Variants in THSD4 observed in about 807,000 individuals in gnomAD.
THSD4 encodes thrombospondin type 1 domain containing 4, also known as thrombospondin type-1 domain-containing protein 4.
In THSD4, 69 loss-of-function variants were observed where a neutral mutation model predicts 119.0. That is an observed-to-expected ratio of 0.58 (90% CI 0.48 to 0.71). The LOEUF (loss-of-function observed/expected upper bound fraction) is 0.71, where lower values mean the gene tolerates loss of function less well. Ranked by LOEUF, THSD4 falls within the 30% of genes least tolerant of loss-of-function variation. The probability of loss-of-function intolerance (pLI) is 0.00; values close to 1 mark genes in which losing one functional copy is unlikely to be tolerated. For synonymous variants in THSD4, 524 were observed against 540.4 expected, an observed-to-expected ratio of 0.97 and a Z score of 0.42; for missense variants, 1,393 against 1,391.1, an observed-to-expected ratio of 1.00 and a Z score of -0.02.
intron 5 of THSD4, among the ~76,000 whole-genome samples, chr15:71,256,054 C>T (rs1468246258): frequency 2.6e-5 from 4 of 152,176 alleles, no homozygotes; most frequent in Admixed American, 2.6e-4. Flanking sequence ...TTAAAAGTTT[C>T]TTGCCCCTAT....
intron 5 of THSD4, 137 bp downstream of exon 5, chr15:71,243,233 T>C: frequency 2.3e-6 from 2 of 886,868 alleles, no homozygotes; most frequent in Non-Finnish European, 3.4e-6. Flanking sequence ...TCCTCCTTTC[T>C]CTTTGCTTTC....
chr15:71,782,316 C>G lies in THSD4; in HGVS notation c.*4942C>G, dbSNP rs2054011610. On this transcript the variant is annotated 3_prime_UTR_variant, in exon 18 of 18. Coordinates refer to ENST00000261862, the MANE Select transcript of THSD4 (RefSeq NM_024817.3). ...AGGGTGAAAACTTCCAGCCAACTTT[C>G]TCAGTCCTTTCTCTTGCGAGAGGGA... 6.6e-6 allele frequency: 1 copy of G among 152,130 alleles called. No homozygotes were observed. Among genetic ancestry groups the G allele is most frequent in the Non-Finnish European group, 1.5e-5 (1 of 68,036 alleles). 9.4% of individuals were successfully genotyped at this position (152,130 alleles called of 1,614,324 possible).
At chr15:71,354,705 T>G (rs1239600780) in intron 6 of THSD4, among the ~76,000 whole-genome samples, 2 of 152,212 alleles carry the variant, frequency 1.3e-5, no homozygotes, top group African/African-American at 4.8e-5. Context: ...TAGTTAGGCC[T>G]TCTATGTGGT....
In THSD4 at chr15:71,700,598, G is replaced by C. The variant is rs543648074; in HGVS notation, c.1358-27951G>C. Among the ~76,000 whole-genome samples, 8 of 152,124 alleles carry C rather than the reference G, an allele frequency of 5.3e-5. No individual in the cohort carries two copies. The South Asian group carries it at 1.7e-3, about 32-fold the overall frequency. ...TTAAAATTCATCTAGAAGAGCAAAT[G>C]TTCAAGAGTAGCCAAAAGCTTTTGA... On this transcript the variant is annotated intron_variant, in intron 8 of 17. Coordinates refer to ENST00000261862, the MANE Select transcript of THSD4 (RefSeq NM_024817.3).
At chr15:71,693,967 C>T (rs1484040789) in intron 8 of THSD4, among the ~76,000 whole-genome samples, 1 of 151,322 alleles carries the variant, frequency 6.6e-6, no homozygotes, top group Non-Finnish European at 1.5e-5. Context: ...AGAACAGAAT[C>T]ATATACCACT....
At chr15:71,746,529 G>A (rs2053340971) in intron 12 of THSD4, among the ~76,000 whole-genome samples, 1 of 152,026 alleles carries the variant, frequency 6.6e-6, no homozygotes, top group Non-Finnish European at 1.5e-5. Flanking sequence ...CGAGTAGCTG[G>A]GACTACAGGC....
chr15:71,152,466 A>T (rs748665977), intron 2 of THSD4, among the ~76,000 whole-genome samples: 1 of 151,970 alleles, frequency 6.6e-6, no homozygotes, highest in Non-Finnish European at 1.5e-5. Flanking sequence ...GTCTAGTCAG[A>T]TGTAAACATT....
intron 6 of THSD4, among the ~76,000 whole-genome samples, chr15:71,323,569 A>G (rs534622379): frequency 6.6e-6 from 1 of 152,308 alleles, no homozygotes; most frequent in South Asian, 2.1e-4. Flanking sequence ...TTGAGCTTAA[A>G]GCTGTGGGTG....
chr15:71,704,191 T>TC (rs2030089361), intron 8 of THSD4, among the ~76,000 whole-genome samples: 1 of 152,172 alleles, frequency 6.6e-6, no homozygotes, highest in South Asian at 2.1e-4. Flanking sequence ...AAGTGATTTC[T>TC]CCCCAAGAAA....
At chr15:71,213,840 A>G (rs1043364779) in intron 3 of THSD4, among the ~76,000 whole-genome samples, 24 of 152,364 alleles carry the variant, frequency 1.6e-4, no homozygotes, top group Non-Finnish European at 1.0e-4. Flanking sequence ...TGCTATGCAC[A>G]TGGATGGCCT....
At chr15:71,737,315 G>A (rs2053133318) in intron 10 of THSD4, among the ~76,000 whole-genome samples, 1 of 152,210 alleles carries the variant, frequency 6.6e-6, no homozygotes, top group Non-Finnish European at 1.5e-5. Flanking sequence ...ATAGTGACTG[G>A]AAGTGTGTTT....
chr15:71,138,512 C>T (rs1261557867), intron 1 of THSD4, among the ~76,000 whole-genome samples: 3 of 152,166 alleles, frequency 2.0e-5, no homozygotes, highest in African/African-American at 7.2e-5. Context: ...TTTCTCTTGT[C>T]ACCTCAACCA....
At chr15:71,490,851 C>G (rs2047907811) in intron 7 of THSD4, among the ~76,000 whole-genome samples, 1 of 152,182 alleles carries the variant, frequency 6.6e-6, no homozygotes, top group Non-Finnish European at 1.5e-5. Flanking sequence ...ATAACCGTGC[C>G]CATTTGTTTC....
chr15:71,299,837 A>ATTG (rs1226762550), intron 6 of THSD4, among the ~76,000 whole-genome samples: 3 of 151,968 alleles, frequency 2.0e-5, no homozygotes, highest in Non-Finnish European at 4.4e-5. Flanking sequence ...AATTAAAAAT[A>ATTG]ACATTGGGCT....
At chr15:71,253,178 T>C (rs10518937) in intron 5 of THSD4, among the ~76,000 whole-genome samples, 103,393 of 152,144 alleles carry the variant, frequency 0.68, 35,397 homozygotes, top group African/African-American at 0.74. Context: ...ATGTTAAGCT[T>C]TTCTGCCTTA....
intron 6 of THSD4, among the ~76,000 whole-genome samples, chr15:71,290,549 A>G (rs2044776401): frequency 6.6e-6 from 1 of 152,234 alleles, no homozygotes; most frequent in South Asian, 2.1e-4. Context: ...TGTAAAAGTT[A>G]TTTGCTGCCA....
chr15:71,171,576 G>T (rs1425030554), intron 3 of THSD4, among the ~76,000 whole-genome samples: 1 of 152,158 alleles, frequency 6.6e-6, no homozygotes, highest in Non-Finnish European at 1.5e-5. Context: ...TCAAAGGAAT[G>T]ACTGCACCAG....
intron 6 of THSD4, among the ~76,000 whole-genome samples, chr15:71,334,333 C>T (rs1179860507): frequency 1.3e-5 from 2 of 152,082 alleles, no homozygotes; most frequent in South Asian, 2.1e-4. Context: ...GCTTTGAAAC[C>T]GACACTCGAC....
chr15:71,170,167 GA>G (rs1026852034), intron 3 of THSD4, among the ~76,000 whole-genome samples: 11 of 152,112 alleles, frequency 7.2e-5, no homozygotes, highest in Admixed American at 1.3e-4. Context: ...TTGGAAAAAA[GA>G]AAAAGAGTCC....
Sources: allele counts gnomAD v4.1 joint callset (sites outside exome capture counted in the v4.1 genomes callset), GRCh38; gene constraint gnomAD v4.1.1; transcripts MANE v1.5; gene names NCBI Gene and HGNC (gene_info 2026-07-23, HGNC 2026-07-21).